Variants in WDR70 observed in about 807,000 individuals in gnomAD.
WDR70 encodes WD repeat domain 70.
WDR70 carries 53 observed loss-of-function variants against 88.6 expected under a neutral mutation model. The observed-to-expected ratio is 0.60, with a 90% confidence interval of 0.48 to 0.75. The LOEUF (loss-of-function observed/expected upper bound fraction) is 0.75. Ranked by LOEUF, WDR70 falls within the 30% of genes least tolerant of loss-of-function variation. The pLI, the probability that WDR70 is intolerant of heterozygous loss-of-function variation, is 0.00. For missense variants in WDR70, 610 were observed against 823.2 expected (o/e 0.74, Z 3.17); for synonymous variants, 280 against 270.0 (o/e 1.04, Z -0.36).
intron 7 of WDR70, among the ~76,000 whole-genome samples, chr5:37,451,392 A>G (rs1342353198): frequency 6.6e-6 from 1 of 152,180 alleles, no homozygotes; most frequent in Non-Finnish European, 1.5e-5. Flanking sequence ...ATGTATCTGT[A>G]TCGTCCAGTA....
At chr5:37,405,316 T>G (rs1392609848) in intron 5 of WDR70, among the ~76,000 whole-genome samples, 1 of 151,928 alleles carries the variant, frequency 6.6e-6, no homozygotes, top group Non-Finnish European at 1.5e-5. Flanking sequence ...TTCTAGATTG[T>G]GGGAATGAGG....
At position 37,654,629 on chromosome 5, in the gene WDR70, G is replaced by A. The variant is rs1028234748; in HGVS notation, c.1093-43026G>A. ...TTGCTTTATGAATCTGGGTGCTCCT[G>A]TATTGGGCACATACATATTTAGGAT... On this transcript the variant is annotated intron_variant, in intron 10 of 17. Transcript: ENST00000265107. 5.9e-5 allele frequency among the ~76,000 whole-genome samples: 9 copies of A among 152,290 alleles called. No individual in the cohort carries two copies. In the South Asian group the frequency reaches 1.7e-3, roughly 28 times the overall value.
At chr5:37,404,086 A>C (rs1749282086) in intron 5 of WDR70, among the ~76,000 whole-genome samples, 1 of 152,154 alleles carries the variant, frequency 6.6e-6, no homozygotes, top group African/African-American at 2.4e-5. Context: ...CTTTGGTGCA[A>C]TTAAAAAGTA....
intron 9 of WDR70, among the ~76,000 whole-genome samples, chr5:37,563,591 TG>T (rs1581396889): frequency 1.6e-5 from 1 of 62,476 alleles, no homozygotes; most frequent in Non-Finnish European, 4.1e-5. Context: ...GACGGGCGGC[TG>T]GCCGGGCGGG....
intron 8 of WDR70, among the ~76,000 whole-genome samples, chr5:37,498,579 A>C (rs1740301265): frequency 6.6e-6 from 1 of 152,142 alleles, no homozygotes; most frequent in African/African-American, 2.4e-5. Context: ...GATGTATCTC[A>C]CCTTAACATG....
intron 10 of WDR70, among the ~76,000 whole-genome samples, chr5:37,696,823 T>G (rs1199935477): frequency 6.6e-6 from 1 of 152,232 alleles, no homozygotes; most frequent in Non-Finnish European, 1.5e-5. Flanking sequence ...AGTTACTGAG[T>G]CATAACTGAG....
chr5:37,487,935 C>T (rs12656455), intron 8 of WDR70, among the ~76,000 whole-genome samples: 131,893 of 152,116 alleles, frequency 0.87, 60,228 homozygotes, highest in East Asian at 1. Context: ...ATAGTTGTTA[C>T]TCTTTTGCCT....
intron 9 of WDR70, among the ~76,000 whole-genome samples, chr5:37,587,913 G>A (rs985826276): frequency 1.3e-5 from 2 of 151,534 alleles, no homozygotes; most frequent in African/African-American, 4.9e-5. Context: ...CCAAGTAGCT[G>A]GGATTACAGG....
chr5:37,714,968 T>C (rs1434143982), intron 13 of WDR70, among the ~76,000 whole-genome samples: 1 of 152,174 alleles, frequency 6.6e-6, no homozygotes, highest in African/African-American at 2.4e-5. Flanking sequence ...AGGTTTATTA[T>C]CAGATACAGA....
At chr5:37,486,449 T>G (rs1237035649) in intron 8 of WDR70, among the ~76,000 whole-genome samples, 1 of 151,866 alleles carries the variant, frequency 6.6e-6, no homozygotes, top group African/African-American at 2.4e-5. Context: ...GTTCAAGCGA[T>G]TCTCCTGCCT....
rs946807583 is a variant in WDR70, at chr5:37,592,302, A to C, written c.918-12762A>C. 1.4e-4 allele frequency among the ~76,000 whole-genome samples: 21 copies of C among 152,356 alleles called. 1 individual carries two copies. In the South Asian group the frequency reaches 1.7e-3, roughly 12 times the overall value. On this transcript the variant is annotated intron_variant, in intron 9 of 17. Coordinates refer to ENST00000265107, the MANE Select transcript of WDR70 (RefSeq NM_018034.4). Reference sequence around the variant, plus strand: ...GTGTACATTGAACCATTAGAAGGCAAAAATGTCATTGTCTCAGTTACACAT... The same window carrying C: ...GTGTACATTGAACCATTAGAAGGCACAAATGTCATTGTCTCAGTTACACAT...
At chr5:37,402,785 C>T (rs1159483070) in intron 5 of WDR70, among the ~76,000 whole-genome samples, 1 of 152,026 alleles carries the variant, frequency 6.6e-6, no homozygotes, top group East Asian at 1.9e-4. Flanking sequence ...TAATCAGCCT[C>T]TCTTCATCTT....
chr5:37,547,670 A>G (rs1742035511), intron 9 of WDR70, among the ~76,000 whole-genome samples: 1 of 152,122 alleles, frequency 6.6e-6, no homozygotes, highest in African/African-American at 2.4e-5. Context: ...GTTTTCTTAA[A>G]TGTACGATTA....
intron 8 of WDR70, among the ~76,000 whole-genome samples, chr5:37,515,020 A>G (rs1167143732): frequency 2.8e-5 from 4 of 143,332 alleles, no homozygotes; most frequent in African/African-American, 7.6e-5. Flanking sequence ...CTGTCTCAAG[A>G]AAAAAAAAAA....
At chr5:37,630,973 C>G (rs1200567592) in intron 10 of WDR70, among the ~76,000 whole-genome samples, 1 of 152,166 alleles carries the variant, frequency 6.6e-6, no homozygotes, top group Non-Finnish European at 1.5e-5. Flanking sequence ...GTTTGAAGGA[C>G]TGTAGGCATT....
intron 10 of WDR70, among the ~76,000 whole-genome samples, chr5:37,617,357 CTG>C (rs1744374613): frequency 6.6e-6 from 1 of 152,136 alleles, no homozygotes; most frequent in African/African-American, 2.4e-5. Context: ...TTGTACAACT[CTG>C]TAAATTAACT....
chr5:37,499,586 A>ACT, intron 8 of WDR70, among the ~76,000 whole-genome samples: 1 of 58,666 alleles, frequency 1.7e-5, no homozygotes, highest in South Asian at 4.7e-4. Context: ...ATTTGGAAAT[A>ACT]TTCTCTCTCT....
At chr5:37,605,347 T>G (rs918170367) in intron 10 of WDR70, 109 bp downstream of exon 10, 2 of 1,212,146 alleles carry the variant, frequency 1.6e-6, no homozygotes, top group African/African-American at 3.1e-5. Flanking sequence ...ATTTCCTGAA[T>G]TTAGACCTAA....
At chr5:37,481,443 C>A (rs572113293) in intron 8 of WDR70, among the ~76,000 whole-genome samples, 128 of 152,284 alleles carry the variant, frequency 8.4e-4, no homozygotes, top group Non-Finnish European at 1.6e-3. Context: ...TGTGCATCTG[C>A]AGGCTTAACA....
Sources: allele counts gnomAD v4.1 joint callset (sites outside exome capture counted in the v4.1 genomes callset), GRCh38; gene constraint gnomAD v4.1.1; transcripts MANE v1.5; gene names NCBI Gene and HGNC (gene_info 2026-07-23, HGNC 2026-07-21).